The following SYNPO2 variants were observed in gnomAD, a reference collection of about 807,000 sequenced individuals.
The protein encoded by SYNPO2 is synaptopodin 2.
Under a neutral mutation model 85.0 loss-of-function variants are expected in SYNPO2, and 56 were observed. The observed-to-expected ratio is 0.66, with a 90% CI of 0.53 to 0.82. The LOEUF (loss-of-function observed/expected upper bound fraction) is 0.82. Ranked by LOEUF, SYNPO2 falls within the 40% of genes least tolerant of loss-of-function variation. The pLI is 0.00. For missense variants in SYNPO2, 1,575 were observed against 1,534.2 expected (o/e 1.03, Z -0.44); for synonymous variants, 602 against 591.1 (o/e 1.02, Z -0.27).
chr4:119,001,969 C>A (rs1318580803), intron 1 of SYNPO2, among the ~76,000 whole-genome samples: 1 of 152,066 alleles, frequency 6.6e-6, no homozygotes, highest in Non-Finnish European at 1.5e-5. Flanking sequence ...AGTTCTGTTA[C>A]CCTTCTCCAG....
At chr4:118,900,125 G>A (rs1732673982) in intron 1 of SYNPO2, among the ~76,000 whole-genome samples, 1 of 152,142 alleles carries the variant, frequency 6.6e-6, no homozygotes, top group Admixed American at 6.5e-5. Context: ...AGTTAAATGT[G>A]CTATTATGAT....
chr4:118,924,453 C>T (rs1349883160), intron 1 of SYNPO2, among the ~76,000 whole-genome samples: 1 of 152,094 alleles, frequency 6.6e-6, no homozygotes, highest in Non-Finnish European at 1.5e-5. Flanking sequence ...AAATATTTCC[C>T]CAAACATGCA....
In SYNPO2 at chr4:119,035,312, A is replaced by T. The variant is rs1425815346; in HGVS notation, c.3252+3285A>T. On this transcript the variant is annotated intron_variant, in intron 4 of 4. Transcript: ENST00000307142. ...TAGGAGGAAGGAAGGTTCCATGGAC[A>T]TGTAAGTACAGCATATTCCCCTCAG... 5 of 985,336 alleles carry T rather than the reference A, an allele frequency of 5.1e-6. No individual in the cohort carries two copies. In the African/African-American group the frequency reaches 8.7e-5, roughly 17 times the overall value. 61.0% of individuals were successfully genotyped at this position (985,336 alleles called of 1,614,324 possible).
At chr4:118,880,368 A>G (rs1732059839) in intron 1 of SYNPO2, among the ~76,000 whole-genome samples, 1 of 152,162 alleles carries the variant, frequency 6.6e-6, no homozygotes, top group Admixed American at 6.5e-5. Context: ...TCAAAGCTCC[A>G]GATTTTAACA....
chr4:119,037,950 G>C (rs1268931299), intron 4 of SYNPO2: 1 of 206,952 alleles, frequency 4.8e-6, no homozygotes, highest in Non-Finnish European at 8.5e-6. Flanking sequence ...CAATTATACT[G>C]TGATTTCATT....
intron 1 of SYNPO2, among the ~76,000 whole-genome samples, chr4:118,916,759 G>A (rs1321987645): frequency 7.6e-6 from 1 of 131,736 alleles, no homozygotes; most frequent in African/African-American, 2.8e-5. Context: ...TAGAAACAGG[G>A]TCTTACTCTG....
intron 1 of SYNPO2, among the ~76,000 whole-genome samples, chr4:118,928,223 G>A (rs1733802200): frequency 6.6e-6 from 1 of 152,150 alleles, no homozygotes. Flanking sequence ...ATATTTTATG[G>A]CAAGAGGTTT....
At chr4:118,852,105 T>G (rs532389374) in intron 1 of SYNPO2, among the ~76,000 whole-genome samples, 1 of 152,166 alleles carries the variant, frequency 6.6e-6, no homozygotes, top group Non-Finnish European at 1.5e-5. Flanking sequence ...AAAATATTGA[T>G]TTGCCGTATA....
intron 1 of SYNPO2, among the ~76,000 whole-genome samples, chr4:118,963,963 A>G (rs1735202564): frequency 6.6e-6 from 1 of 152,106 alleles, no homozygotes; most frequent in Non-Finnish European, 1.5e-5. Context: ...TTCTAATCAA[A>G]TACTGGCCAG....
At chr4:118,954,944 A>G (rs970636208) in intron 1 of SYNPO2, among the ~76,000 whole-genome samples, 7 of 152,128 alleles carry the variant, frequency 4.6e-5, no homozygotes, top group Non-Finnish European at 7.4e-5. Context: ...AAGCCCATAC[A>G]GGTAATAAAC....
intron 1 of SYNPO2, among the ~76,000 whole-genome samples, chr4:118,912,991 A>C (rs1410731233): frequency 2.6e-5 from 4 of 152,216 alleles, no homozygotes; most frequent in African/African-American, 9.6e-5. Context: ...AAAATCAACC[A>C]TACTTCCCAG....
At chr4:118,977,339 C>T (rs751073749) in intron 1 of SYNPO2, among the ~76,000 whole-genome samples, 1 of 152,248 alleles carries the variant, frequency 6.6e-6, no homozygotes, top group African/African-American at 2.4e-5. Context: ...GCCAGCTGCT[C>T]CGAGTGCGGG....
At chr4:118,943,625 C>T (rs1466233507) in intron 1 of SYNPO2, among the ~76,000 whole-genome samples, 1 of 152,138 alleles carries the variant, frequency 6.6e-6, no homozygotes, top group Non-Finnish European at 1.5e-5. Context: ...TGAATATCAT[C>T]AGTGGTAGTA....
intron 1 of SYNPO2, among the ~76,000 whole-genome samples, chr4:118,968,961 C>T (rs1490509): frequency 6.6e-6 from 1 of 151,998 alleles, no homozygotes; most frequent in Non-Finnish European, 1.5e-5. Context: ...AAAACAAAAA[C>T]GAAAACAAAA....
rs974855009 is a variant in SYNPO2 at position 118,888,906 on chromosome 4, A to T, written c.-131A>T. The T allele has an allele frequency of 7.9e-6, 7 of 884,514 alleles. No homozygotes were observed. Among genetic ancestry groups the T allele is most frequent in the Non-Finnish European group, 1.3e-5 (7 of 559,194 alleles). The allele number at this position is 884,514 out of a possible 1,614,324, so 54.8% of individuals were successfully genotyped here. ...CGGCGGCTGGGGCAGCGGCTGCAGC[A>T]GCGGCGGACGCTCTGCATTACCCAG... On this transcript the variant is annotated 5_prime_UTR_variant, in exon 1 of 5. Transcript: ENST00000307142.
chr4:119,048,929 G>A (rs1738953834), intron 4 of SYNPO2, among the ~76,000 whole-genome samples: 1 of 152,162 alleles, frequency 6.6e-6, no homozygotes, highest in African/African-American at 2.4e-5. Context: ...AACATAATCT[G>A]ACTTGAGTTT....
intron 1 of SYNPO2, among the ~76,000 whole-genome samples, chr4:118,851,487 C>CA (rs1049295439): frequency 3.8e-4 from 56 of 147,634 alleles, no homozygotes; most frequent in African/African-American, 1.0e-3. Context: ...AACTCCATCT[C>CA]AAAAAAAAAC....
At position 119,059,288 on chromosome 4, in the gene SYNPO2, T is replaced by C. The variant is rs1739328239; in HGVS notation, c.*1354T>C. The C allele has an allele frequency of 6.6e-6, 1 of 152,196 alleles. No individual in the cohort carries two copies. Among genetic ancestry groups the C allele is most frequent in the Admixed American group, 6.5e-5 (1 of 15,282 alleles). 9.4% of individuals were successfully genotyped at this position (152,196 alleles called of 1,614,324 possible). On this transcript the variant is annotated 3_prime_UTR_variant, in exon 5 of 5. Transcript: ENST00000307142. Reference sequence around the variant, plus strand: ...AAGTGGTACATAAATATGTCTGTTATTATGCAATCGTAGGTCATGATAATT... The same window carrying C: ...AAGTGGTACATAAATATGTCTGTTACTATGCAATCGTAGGTCATGATAATT...
intron 1 of SYNPO2, among the ~76,000 whole-genome samples, chr4:118,957,610 G>T (rs1734925479): frequency 6.6e-6 from 1 of 152,122 alleles, no homozygotes; most frequent in African/African-American, 2.4e-5. Context: ...TATTGTTTTA[G>T]GAGTTGAAAG....
Sources: gnomAD v4.1 joint callset for allele counts (sites outside exome capture counted in the v4.1 genomes callset) on GRCh38, gnomAD v4.1.1 for gene constraint, MANE v1.5 for transcripts, NCBI Gene and HGNC (gene_info 2026-07-23, HGNC 2026-07-21) for gene names.